The following KIF5A variants were observed in gnomAD, a reference collection of about 807,000 sequenced individuals.
KIF5A encodes kinesin heavy chain isoform 5A.
KIF5A carries 35 observed loss-of-function variants against 141.3 expected under a neutral mutation model. That is an observed-to-expected ratio of 0.25 (90% confidence interval 0.19 to 0.33). The LOEUF (loss-of-function observed/expected upper bound fraction) is 0.33, where lower values mean the gene tolerates loss of function less well. Ranked by LOEUF, KIF5A falls within the 10% of genes least tolerant of loss-of-function variation. The pLI is 1.00. For missense variants in KIF5A, 861 were observed against 1,314.3 expected, an observed-to-expected ratio of 0.66 and a Z score of 5.33; for synonymous variants, 448 against 500.2, an observed-to-expected ratio of 0.90 and a Z score of 1.39.
At chr12:57,569,712 G>A in intron 11 of KIF5A, 29 bp downstream of exon 11, 2 of 1,611,206 alleles carry the variant, frequency 1.2e-6, no homozygotes, top group African/African-American at 2.7e-5. Flanking sequence ...GGAGTGAGGG[G>A]CAGTGGGAAG....
intron 1 of KIF5A, among the ~76,000 whole-genome samples, chr12:57,555,908 CAAA>C (rs763843453): frequency 2.2e-5 from 2 of 92,306 alleles, no homozygotes; most frequent in Non-Finnish European, 2.2e-5. Context: ...AACTCTATCT[CAAA>C]AAAAAAAAAA....
At chr12:57,551,858 A>G (rs1158023535) in intron 1 of KIF5A, among the ~76,000 whole-genome samples, 2 of 147,438 alleles carry the variant, frequency 1.4e-5, no homozygotes, top group African/African-American at 2.6e-5. Flanking sequence ...TGTTAACTCA[A>G]ATGGATGCTT....
intron 5 of KIF5A, 30 bp downstream of exon 5, chr12:57,564,538 G>T (rs1455493944): frequency 6.5e-7 from 1 of 1,541,942 alleles, no homozygotes; most frequent in South Asian, 1.1e-5. Flanking sequence ...GGATGAGGGT[G>T]TGTGAGGAGG....
At chr12:57,571,298 T>C in intron 12 of KIF5A, 23 bp from the exon 13 acceptor site, 1 of 1,437,128 alleles carries the variant, frequency 7.0e-7, no homozygotes, top group Non-Finnish European at 9.8e-7. Flanking sequence ...CCTTCACCTG[T>C]CTTTCCCTGT....
chr12:57,572,647 G>A lies in KIF5A; in HGVS notation c.1637G>A (p.Arg546Gln), dbSNP rs199608047. 1.2e-6 allele frequency: 2 copies of A among 1,614,250 alleles called. No individual in the cohort carries two copies. Among genetic ancestry groups the A allele is most frequent in the South Asian group, 1.1e-5 (1 of 91,078 alleles). ...LQEVSGHQRK[R>Q]IAEVLNGLMK... Reference sequence around the variant, plus strand: ...GAGGTCAGTGGACACCAGCGAAAACGAATTGCTGAGGTGCTGAACGGGCTG... The same window carrying A: ...GAGGTCAGTGGACACCAGCGAAAACAAATTGCTGAGGTGCTGAACGGGCTG... Residue 546 changes from arginine (R) to glutamine (Q), a missense_variant, in exon 15 of 29, where the codon CGA becomes CAA. Arg to Gln is a conservative substitution (Grantham distance 43). Coordinates refer to ENST00000455537, the MANE Select transcript of KIF5A (RefSeq NM_004984.4). The surrounding 1 kb of genome is among the most constrained non-coding windows in gnomAD (Gnocchi z 4.2).
chr12:57,571,278 G>T lies in KIF5A; in HGVS notation c.1294-43G>T, dbSNP rs563755055. 3.0e-5 allele frequency: 35 copies of T among 1,179,902 alleles called. No homozygotes were observed. The South Asian group carries it at 4.0e-4, about 14-fold the overall frequency. 73.1% of individuals were successfully genotyped at this position (1,179,902 alleles called of 1,614,324 possible). A position where few individuals can be genotyped will look rare whatever the true frequency, so the allele number is the denominator to read the frequency against. On this transcript the variant is annotated intron_variant, in intron 12 of 28. Coordinates refer to ENST00000455537, the MANE Select transcript of KIF5A (RefSeq NM_004984.4). ...AAACTTCTTACGTCTAAACTGGAAG[G>T]AGTAGCTTCCCTTCACCTGTCTTTC...
intron 1 of KIF5A, among the ~76,000 whole-genome samples, chr12:57,554,778 G>C (rs1881682093): frequency 6.6e-6 from 1 of 152,134 alleles, no homozygotes; most frequent in Admixed American, 6.5e-5. Flanking sequence ...GCGAGAGAGG[G>C]AAAAAGAGGG....
intron 17 of KIF5A, 29 bp downstream of exon 17, chr12:57,575,786 T>C: frequency 1.4e-6 from 2 of 1,463,384 alleles, no homozygotes; most frequent in African/African-American, 2.8e-5. Context: ...TCCATCCCAC[T>C]GTCCAGGGCA....
At chr12:57,582,562 T>C in intron 26 of KIF5A, 40 bp from the exon 27 acceptor site, 1 of 1,576,908 alleles carries the variant, frequency 6.3e-7, no homozygotes, top group Non-Finnish European at 8.7e-7. Flanking sequence ...TCTCCTTTTT[T>C]CTTCTTCTAA....
chr12:57,552,483 C>T lies in KIF5A; in HGVS notation c.129+2083C>T, dbSNP rs151207482. On this transcript the variant is annotated intron_variant, in intron 1 of 28. Coordinates refer to ENST00000455537, the MANE Select transcript of KIF5A (RefSeq NM_004984.4). ...GTACCTTTGTCTTGCTCGTATCTTC[C>T]CTCACCCTAGCCCTCCCTGTCAATC... Among the ~76,000 whole-genome samples, 71 of 152,308 alleles carry T rather than the reference C, an allele frequency of 4.7e-4. 1 individual carries two copies. Among genetic ancestry groups the T allele is most frequent in the Middle Eastern group, 6.8e-3 (2 of 294 alleles).
intron 1 of KIF5A, among the ~76,000 whole-genome samples, chr12:57,556,459 C>T (rs765226624): frequency 2.0e-5 from 3 of 152,172 alleles, no homozygotes; most frequent in Non-Finnish European, 2.9e-5. Flanking sequence ...ATCTTTTAGA[C>T]TCAGATCTGA....
At chr12:57,579,998 T>C (rs942925590) in intron 23 of KIF5A, among the ~76,000 whole-genome samples, 1 of 152,134 alleles carries the variant, frequency 6.6e-6, no homozygotes, top group Non-Finnish European at 1.5e-5. Context: ...GATAAAAACT[T>C]CTCAGTTAAG....
At chr12:57,561,355 A>G (rs1487072324) in intron 1 of KIF5A, among the ~76,000 whole-genome samples, 1 of 152,182 alleles carries the variant, frequency 6.6e-6, no homozygotes, top group Non-Finnish European at 1.5e-5. Flanking sequence ...GTTGTTTTGT[A>G]AAAGGAAATC....
In KIF5A at chr12:57,569,672, G is replaced by A. The variant is rs1390179670; in HGVS notation, c.1106G>A (p.Arg369Gln). ...GCGAAGCTGGAGGCTGAGCTGAGCC[G>A]GTGGCGCAATGGTTAGAGAGGGATA... Reference protein sequence around the residue: ...TIAKLEAELSRWRNGENVPET... With the variant: ...TIAKLEAELSQWRNGENVPET... The change falls in exon 11 of 29, where the codon CGG (arginine) becomes CAG (glutamine). Residue 369 changes from arginine to glutamine, a missense_variant. Coordinates refer to ENST00000455537, the MANE Select transcript of KIF5A (RefSeq NM_004984.4). The A allele has an allele frequency of 1.5e-5, 24 of 1,613,698 alleles. No homozygotes were observed. The highest frequency in any genetic ancestry group is 1.7e-4 in the Middle Eastern group (1 of 6,010).
rs1023589192 is a variant in KIF5A, at chr12:57,550,531, C to G, written c.129+131C>G. The G allele has an allele frequency of 8.1e-6, 8 of 984,198 alleles. No homozygotes were observed. The African/African-American group carries it at 1.1e-4, about 14-fold the overall frequency. The allele number at this position is 984,198 out of a possible 1,614,324, so 61.0% of individuals were successfully genotyped here. A position where few individuals can be genotyped will look rare whatever the true frequency, so the allele number is the denominator to read the frequency against. On this transcript the variant is annotated intron_variant, in intron 1 of 28. Coordinates refer to ENST00000455537, the MANE Select transcript of KIF5A (RefSeq NM_004984.4). The surrounding 1 kb of genome is among the most constrained non-coding windows in gnomAD (Gnocchi z 4.6). ...CGCTCATCCTTCATCCTCTTCCCCGCAGCCCCTCCTCTCCCCTGCATCAGG... is the reference window on the plus strand; with the variant it reads ...CGCTCATCCTTCATCCTCTTCCCCGGAGCCCCTCCTCTCCCCTGCATCAGG...
At chr12:57,564,863 C>T in intron 5 of KIF5A, 55 bp from the exon 6 acceptor site, 1 of 1,521,808 alleles carries the variant, frequency 6.6e-7, no homozygotes, top group Non-Finnish European at 9.1e-7. Context: ...CTGCAAGGTG[C>T]AGATGGGGGC....
intron 20 of KIF5A, 45 bp downstream of exon 20, chr12:57,576,907 C>T (rs1882445277): frequency 4.2e-6 from 6 of 1,423,596 alleles, no homozygotes; most frequent in Non-Finnish European, 4.0e-6. Context: ...CTTGTAGGCT[C>T]AGAACTGTGA....
chr12:57,581,629 T>C (rs1882605455), intron 25 of KIF5A, 61 bp downstream of exon 25: 1 of 1,574,132 alleles, frequency 6.4e-7, no homozygotes, highest in Non-Finnish European at 8.7e-7. Context: ...CTAGAAGGCA[T>C]AGGGTGGGGG....
At chr12:57,552,358 G>A (rs1336063454) in intron 1 of KIF5A, among the ~76,000 whole-genome samples, 1 of 152,128 alleles carries the variant, frequency 6.6e-6, no homozygotes, top group East Asian at 1.9e-4. Flanking sequence ...GGGCAAGGAG[G>A]AAAGATGAAT....
Sources: gnomAD v4.1 joint callset for allele counts (sites outside exome capture counted in the v4.1 genomes callset) on GRCh38, gnomAD v4.1.1 for gene constraint, Gnocchi (gnomAD v3.1) non-coding constraint, MANE v1.5 for transcripts, NCBI Gene and HGNC (gene_info 2026-07-23, HGNC 2026-07-21) for gene names.